Variants in FAM210A observed in about 807,000 individuals in gnomAD.
The protein encoded by FAM210A is mitochondrial inner membrane scaffold 1, also known as family with sequence similarity 210 member A.
FAM210A carries 13 observed loss-of-function variants against 25.3 expected under a neutral mutation model. The ratio of observed to expected loss-of-function variants is 0.51; its 90% CI spans 0.33 to 0.82. The LOEUF (loss-of-function observed/expected upper bound fraction) is 0.82, where lower values mean the gene tolerates loss of function less well. Ranked by LOEUF, FAM210A falls within the 40% of genes least tolerant of loss-of-function variation. FAM210A has a pLI of 0.02. For missense variants in FAM210A, 319 were observed against 323.2 expected (o/e 0.99, Z 0.10); for synonymous variants, 125 against 118.7 (o/e 1.05, Z -0.35).
intron 1 of FAM210A, among the ~76,000 whole-genome samples, chr18:13,721,590 C>T (rs1209690063): frequency 6.6e-6 from 1 of 152,130 alleles, no homozygotes; most frequent in Non-Finnish European, 1.5e-5. Flanking sequence ...CTTGGCCTTT[C>T]CTACCACGAT....
At chr18:13,722,090 T>C (rs2043901682) in intron 1 of FAM210A, among the ~76,000 whole-genome samples, 1 of 151,964 alleles carries the variant, frequency 6.6e-6, no homozygotes, top group Non-Finnish European at 1.5e-5. Flanking sequence ...AAGTAAAGCT[T>C]CCATTCACTT....
intron 3 of FAM210A, 69 bp from the exon 4 acceptor site, chr18:13,666,782 T>A: frequency 7.3e-7 from 1 of 1,374,648 alleles, no homozygotes; most frequent in Non-Finnish European, 1.0e-6. Flanking sequence ...AAAAACAAGT[T>A]AAAATTAAAA....
At chr18:13,685,428 G>T (rs1424826724) in intron 1 of FAM210A, among the ~76,000 whole-genome samples, 1 of 152,034 alleles carries the variant, frequency 6.6e-6, no homozygotes, top group East Asian at 1.9e-4. Context: ...GTCCGAATAG[G>T]AAACATTTGC....
At chr18:13,678,979 G>A (rs1450226219) in intron 2 of FAM210A, among the ~76,000 whole-genome samples, 1 of 152,196 alleles carries the variant, frequency 6.6e-6, no homozygotes, top group Non-Finnish European at 1.5e-5. Flanking sequence ...CTGGACATAA[G>A]ACACCAGATC....
At chr18:13,719,585 C>A (rs1295366134) in intron 1 of FAM210A, among the ~76,000 whole-genome samples, 1 of 152,096 alleles carries the variant, frequency 6.6e-6, no homozygotes, top group African/African-American at 2.4e-5. Context: ...TGCTTAAAGC[C>A]CAGCCACCCT....
At chr18:13,697,395 A>G (rs2043703529) in intron 1 of FAM210A, among the ~76,000 whole-genome samples, 1 of 152,180 alleles carries the variant, frequency 6.6e-6, no homozygotes, top group African/African-American at 2.4e-5. Flanking sequence ...ACTTATTACA[A>G]TGCCTAAAAT....
At chr18:13,667,157 C>G (rs989846100) in intron 3 of FAM210A, among the ~76,000 whole-genome samples, 7 of 152,222 alleles carry the variant, frequency 4.6e-5, no homozygotes, top group Admixed American at 2.6e-4. Context: ...GAGCATGAAA[C>G]CACTCTCTGT....
intron 1 of FAM210A, among the ~76,000 whole-genome samples, chr18:13,684,079 A>G (rs1219365969): frequency 6.6e-6 from 1 of 152,204 alleles, no homozygotes; most frequent in Admixed American, 6.5e-5. Context: ...TGCAAAATAA[A>G]TAGGCTCCCA....
chr18:13,702,783 T>G (rs975333556), intron 1 of FAM210A, among the ~76,000 whole-genome samples: 1 of 152,220 alleles, frequency 6.6e-6, no homozygotes, highest in Non-Finnish European at 1.5e-5. Context: ...TCCTGTTTGA[T>G]ATCTTCATAA....
At chr18:13,685,929 A>G (rs895195377) in intron 1 of FAM210A, among the ~76,000 whole-genome samples, 8 of 152,214 alleles carry the variant, frequency 5.3e-5, no homozygotes, top group Non-Finnish European at 1.5e-5. Context: ...AAGAAACTAG[A>G]AAAGAGGAGC....
chr18:13,672,948 C>T (rs191302008), intron 2 of FAM210A, among the ~76,000 whole-genome samples: 34 of 152,314 alleles, frequency 2.2e-4, no homozygotes, highest in African/African-American at 7.7e-4. Flanking sequence ...CAACTTGAGC[C>T]GCAACTTCTC....
At chr18:13,709,038 C>T (rs1027953118) in intron 1 of FAM210A, among the ~76,000 whole-genome samples, 1 of 152,204 alleles carries the variant, frequency 6.6e-6, no homozygotes, top group African/African-American at 2.4e-5. Context: ...AGTACATCAT[C>T]ATATCTCAGA....
rs567502840 is a variant in FAM210A at position 13,664,618 on chromosome 18, C to A, written c.*1862G>T. ...ATCAGGAGACAGCGGTGCTGCCTGC[C>A]CAAGACTGCAGAGAGCAGAGACACA... On this transcript the variant is annotated 3_prime_UTR_variant, in exon 4 of 4. Transcript: ENST00000651643. The A allele has an allele frequency of 6.6e-6, 1 of 152,252 alleles. No individual in the cohort carries two copies. Among genetic ancestry groups the A allele is most frequent in the Admixed American group, 6.5e-5 (1 of 15,296 alleles). 9.4% of individuals were successfully genotyped at this position (152,252 alleles called of 1,614,324 possible). A position where few individuals can be genotyped will look rare whatever the true frequency, so the allele number is the denominator to read the frequency against.
At chr18:13,668,105 T>G (rs2043415475) in intron 3 of FAM210A, among the ~76,000 whole-genome samples, 1 of 152,214 alleles carries the variant, frequency 6.6e-6, no homozygotes, top group Non-Finnish European at 1.5e-5. Flanking sequence ...ATAACAAAAC[T>G]TTGAAAGAGC....
At chr18:13,692,746 C>T (rs1274203357) in intron 1 of FAM210A, among the ~76,000 whole-genome samples, 1 of 152,198 alleles carries the variant, frequency 6.6e-6, no homozygotes, top group African/African-American at 2.4e-5. Flanking sequence ...ACAGTTAAAT[C>T]AGTGTGTAGA....
At chr18:13,680,568 G>GCTA (rs1001460484) in intron 2 of FAM210A, among the ~76,000 whole-genome samples, 1 of 152,200 alleles carries the variant, frequency 6.6e-6, no homozygotes, top group African/African-American at 2.4e-5. Context: ...TCCTGGAAGA[G>GCTA]CTACTTATAG....
At chr18:13,695,801 T>C (rs544651444) in intron 1 of FAM210A, among the ~76,000 whole-genome samples, 2 of 152,248 alleles carry the variant, frequency 1.3e-5, no homozygotes, top group South Asian at 4.1e-4. Flanking sequence ...ACATGGCACA[T>C]GTATACATAT....
chr18:13,677,899 C>T (rs1482477163), intron 2 of FAM210A, among the ~76,000 whole-genome samples: 1 of 152,148 alleles, frequency 6.6e-6, no homozygotes, highest in Non-Finnish European at 1.5e-5. Context: ...CACCATAATA[C>T]TAAGCAGTCA....
chr18:13,667,506 T>A (rs1216973397), intron 3 of FAM210A, among the ~76,000 whole-genome samples: 1 of 141,566 alleles, frequency 7.1e-6, no homozygotes, highest in Non-Finnish European at 1.6e-5. Flanking sequence ...GTCACCTGAG[T>A]TCAGGAGTTC....
Sources: gnomAD v4.1 joint callset for allele counts (sites outside exome capture counted in the v4.1 genomes callset) on GRCh38, gnomAD v4.1.1 for gene constraint, MANE v1.5 for transcripts, NCBI Gene and HGNC (gene_info 2026-07-23, HGNC 2026-07-21) for gene names.